The following GALNT13 variants were observed in gnomAD, a reference collection of about 807,000 sequenced individuals.
GALNT13 encodes polypeptide N-acetylgalactosaminyltransferase 13, also known as UDP-GalNAc:polypeptide N-acetylgalactosaminyltransferase 13.
GALNT13 carries 28 observed loss-of-function variants against 64.2 expected under a neutral mutation model. The ratio of observed to expected loss-of-function variants is 0.44; its 90% confidence interval spans 0.32 to 0.60. The LOEUF is 0.60. Ranked by LOEUF, GALNT13 falls within the 20% of genes least tolerant of loss-of-function variation. The pLI, the probability that GALNT13 is intolerant of heterozygous loss-of-function variation, is 0.05. For missense variants in GALNT13, 577 were observed against 669.8 expected (o/e 0.86, Z 1.53); for synonymous variants, 214 against 224.6 (o/e 0.95, Z 0.42).
At chr2:153,224,117 C>G in the GALNT13 span, among the ~76,000 whole-genome samples, 2 of 152,020 alleles carry the variant, frequency 1.3e-5, no homozygotes, top group Non-Finnish European at 2.9e-5. Context: ...AACAGAAGAG[C>G]AATTTAAGCC....
chr2:154,214,082 G>A (rs1337915754), intron 4 of GALNT13, among the ~76,000 whole-genome samples: 2 of 152,082 alleles, frequency 1.3e-5, no homozygotes, highest in Admixed American at 6.6e-5. Context: ...ATGAATTATT[G>A]ATAAATTATC....
intron 3 of GALNT13, among the ~76,000 whole-genome samples, chr2:154,008,331 T>C (rs923456827): frequency 9.2e-5 from 14 of 152,238 alleles, no homozygotes; most frequent in African/African-American, 2.9e-4. Context: ...ATCCATTATC[T>C]TGGAATATAA....
the GALNT13 span, among the ~76,000 whole-genome samples, chr2:153,724,142 A>G: frequency 7.1e-6 from 1 of 140,956 alleles, no homozygotes; most frequent in South Asian, 2.3e-4. Flanking sequence ...GCCCTCAGAA[A>G]TAACGCCACA....
At chr2:154,344,407 G>A (rs1559102515) in intron 9 of GALNT13, among the ~76,000 whole-genome samples, 1 of 152,004 alleles carries the variant, frequency 6.6e-6, no homozygotes, top group Non-Finnish European at 1.5e-5. Context: ...AAACAGCCCT[G>A]AGCTGACATC....
chr2:153,498,408 C>A, the GALNT13 span, among the ~76,000 whole-genome samples: 3 of 152,222 alleles, frequency 2.0e-5, no homozygotes, highest in South Asian at 2.1e-4. Flanking sequence ...TGGCCCAGAT[C>A]CCATACTTGC....
At chr2:153,764,673 G>A in the GALNT13 span, among the ~76,000 whole-genome samples, 2 of 152,238 alleles carry the variant, frequency 1.3e-5, no homozygotes, top group Non-Finnish European at 2.9e-5. Flanking sequence ...AGAGCCAAAT[G>A]TTAATCACCA....
the GALNT13 span, among the ~76,000 whole-genome samples, chr2:153,673,930 A>G: frequency 1.2e-4 from 19 of 152,242 alleles, no homozygotes; most frequent in Non-Finnish European, 1.8e-4. Flanking sequence ...GAGCCAAATC[A>G]TGAGTGAACT....
At chr2:153,683,442 A>G in the GALNT13 span, among the ~76,000 whole-genome samples, 112,429 of 151,166 alleles carry the variant, frequency 0.74, 42,678 homozygotes, top group Middle Eastern at 0.84. Flanking sequence ...AAATGGAAAA[A>G]CCTCACTTTA....
At chr2:153,840,181 C>G in the GALNT13 span, among the ~76,000 whole-genome samples, 1 of 152,000 alleles carries the variant, frequency 6.6e-6, no homozygotes, top group Admixed American at 6.6e-5. Flanking sequence ...ACACATAGTT[C>G]AGTGTAAAAT....
chr2:154,332,433 A>C (rs1695217162), intron 9 of GALNT13, among the ~76,000 whole-genome samples: 1 of 152,232 alleles, frequency 6.6e-6, no homozygotes, highest in East Asian at 1.9e-4. Context: ...CACAAAAAAA[A>C]ATTGAGTATC....
the GALNT13 span, among the ~76,000 whole-genome samples, chr2:153,299,327 A>G: frequency 6.6e-6 from 1 of 152,328 alleles, no homozygotes; most frequent in African/African-American, 2.4e-5. Context: ...CTGCCAGGAA[A>G]CAACACACTC....
intron 3 of GALNT13, among the ~76,000 whole-genome samples, chr2:154,030,582 G>A (rs1442253392): frequency 6.6e-6 from 1 of 152,078 alleles, no homozygotes; most frequent in Non-Finnish European, 1.5e-5. Flanking sequence ...ATATGGTTTG[G>A]TTCTGTGTCC....
the GALNT13 span, among the ~76,000 whole-genome samples, chr2:153,692,405 A>G: frequency 3.9e-5 from 6 of 152,228 alleles, no homozygotes; most frequent in African/African-American, 1.2e-4. Context: ...AATTGGTGCC[A>G]TCTTTAAAGA....
chr2:153,081,165 C>T, the GALNT13 span, among the ~76,000 whole-genome samples: 180 of 151,950 alleles, frequency 1.2e-3, 2 homozygotes, highest in African/African-American at 4.2e-3. Flanking sequence ...ATGGTATATA[C>T]ATTTTTACTT....
chr2:153,307,199 G>C, the GALNT13 span, among the ~76,000 whole-genome samples: 3 of 152,260 alleles, frequency 2.0e-5, no homozygotes, highest in Admixed American at 2.0e-4. Context: ...CCTGGAACAA[G>C]TATTTGCATT....
At chr2:153,400,701 G>A in the GALNT13 span, among the ~76,000 whole-genome samples, 1 of 152,164 alleles carries the variant, frequency 6.6e-6, no homozygotes, top group Non-Finnish European at 1.5e-5. Flanking sequence ...AGATTTTGTA[G>A]TTTATTTGCG....
intron 3 of GALNT13, among the ~76,000 whole-genome samples, chr2:154,065,863 T>A (rs1231146607): frequency 1.3e-5 from 2 of 152,154 alleles, no homozygotes; most frequent in African/African-American, 4.8e-5. Context: ...AGGAAAACAT[T>A]ACCTTCTCAA....
the GALNT13 span, among the ~76,000 whole-genome samples, chr2:153,836,663 C>A: frequency 1.7e-4 from 24 of 140,568 alleles, no homozygotes; most frequent in Non-Finnish European, 3.1e-4. Context: ...CCCCCTCCCC[C>A]CTCCCCACAA....
chr2:153,389,516 C>G, the GALNT13 span, among the ~76,000 whole-genome samples: 5 of 152,040 alleles, frequency 3.3e-5, no homozygotes, highest in Non-Finnish European at 5.9e-5. Context: ...GTACACTGAT[C>G]ACATGGGACC....
Sources: gnomAD v4.1 joint callset for allele counts (sites outside exome capture counted in the v4.1 genomes callset) on GRCh38, gnomAD v4.1.1 for gene constraint, MANE v1.5 for transcripts, NCBI Gene and HGNC (gene_info 2026-07-23, HGNC 2026-07-21) for gene names.